Variants in ESRRG observed in about 807,000 individuals in gnomAD.
The protein encoded by ESRRG is estrogen related receptor gamma, also known as estrogen-related receptor gamma.
In ESRRG, 13 loss-of-function variants were observed where a neutral mutation model predicts 44.0. The ratio of observed to expected loss-of-function variants is 0.30; its 90% confidence interval spans 0.19 to 0.47. ESRRG has a LOEUF of 0.47. Ranked by LOEUF, ESRRG falls within the 20% of genes least tolerant of loss-of-function variation. ESRRG has a pLI of 1.00. For missense variants in ESRRG, 395 were observed against 580.6 expected (o/e 0.68, Z 3.29); for synonymous variants, 215 against 214.6 (o/e 1.00, Z -0.02).
At chr1:216,649,423 T>C (rs2068400903) in intron 3 of ESRRG, among the ~76,000 whole-genome samples, 1 of 152,040 alleles carries the variant, frequency 6.6e-6, no homozygotes, top group Non-Finnish European at 1.5e-5. Flanking sequence ...CACTTCTCCA[T>C]GTATACACAT....
chr1:217,000,158 T>C (rs1016266660), intron 1 of ESRRG: 5 of 152,222 alleles, frequency 3.3e-5, no homozygotes, highest in African/African-American at 1.2e-4. Context: ...GCTTGCCTTA[T>C]TATACGTAAG....
At chr1:216,544,905 T>G (rs918089079) in intron 5 of ESRRG, among the ~76,000 whole-genome samples, 3 of 152,048 alleles carry the variant, frequency 2.0e-5, no homozygotes, top group Non-Finnish European at 4.4e-5. Context: ...TATGGGTGTT[T>G]TTCTCTTAAA....
intron 1 of ESRRG, among the ~76,000 whole-genome samples, chr1:216,703,501 G>A (rs17043436): frequency 0.12 from 18,818 of 152,074 alleles, 1,318 homozygotes; most frequent in Middle Eastern, 0.2. Context: ...GACTCTGTGA[G>A]AAGTAGCCTG....
At chr1:216,941,845 C>T (rs1364439094) in intron 1 of ESRRG, among the ~76,000 whole-genome samples, 1 of 152,176 alleles carries the variant, frequency 6.6e-6, no homozygotes, top group Non-Finnish European at 1.5e-5. Context: ...AAATGCACTA[C>T]TATTTATCTC....
intron 2 of ESRRG, among the ~76,000 whole-genome samples, chr1:216,808,124 C>T (rs984106532): frequency 6.6e-6 from 1 of 152,266 alleles, no homozygotes; most frequent in Middle Eastern, 3.4e-3. Context: ...TGAATTGAGA[C>T]TCCTTTCAGG....
At position 216,519,134 on chromosome 1, in the gene ESRRG, C is replaced by T; in HGVS notation, c.1132+18G>A. On this transcript the variant is annotated intron_variant, in intron 6 of 6. Coordinates refer to ENST00000408911, the MANE Select transcript of ESRRG (RefSeq NM_001438.4). ...CATATTAAAAAAAATGTAACAATGA[C>T]TATGTCAGTATGCCAACCTGAATTA... The T allele has an allele frequency of 1.9e-6, 3 of 1,608,272 alleles. No individual in the cohort carries two copies. Among genetic ancestry groups the T allele is most frequent in the Non-Finnish European group, 2.6e-6 (3 of 1,176,384 alleles).
chr1:216,640,522 C>T (rs532510916), intron 3 of ESRRG, among the ~76,000 whole-genome samples: 4 of 147,658 alleles, frequency 2.7e-5, no homozygotes, highest in Non-Finnish European at 4.5e-5. Context: ...AGAGAGAAAG[C>T]GAGAGAGGAC....
At chr1:216,976,236 T>C (rs2072858727) in intron 1 of ESRRG, among the ~76,000 whole-genome samples, 1 of 152,004 alleles carries the variant, frequency 6.6e-6, no homozygotes, top group Non-Finnish European at 1.5e-5. Context: ...GTAACCCATT[T>C]AAAGCCATAT....
chr1:216,762,560 T>TGGGGG (rs1163139928), intron 2 of ESRRG, among the ~76,000 whole-genome samples: 1 of 96,144 alleles, frequency 1.0e-5, no homozygotes, highest in African/African-American at 4.1e-5. Context: ...TGTTGTGGGG[T>TGGGGG]GGGGGGAGTG....
Position 216,503,346 on chromosome 1 carries a change from A to G in ESRRG, c.*3593T>C, listed in dbSNP as rs562693217. ...CTGAACTGATTGGAGTTACAGAATC[A>G]TATCTCCTTTTTGCATTTAACAATA... On this transcript the variant is annotated 3_prime_UTR_variant, in exon 7 of 7. Transcript: ENST00000408911. 9.2e-5 allele frequency: 14 copies of G among 152,482 alleles called. No individual in the cohort carries two copies. The highest frequency in any genetic ancestry group is 1.8e-4 in the Non-Finnish European group (12 of 68,000). 9.4% of individuals were successfully genotyped at this position (152,482 alleles called of 1,614,324 possible).
intron 2 of ESRRG, among the ~76,000 whole-genome samples, chr1:216,763,951 C>A (rs895838374): frequency 6.6e-6 from 1 of 152,012 alleles, no homozygotes; most frequent in African/African-American, 2.4e-5. Context: ...GAAGAGAAGA[C>A]TAATCTGGGG....
chr1:216,540,864 A>G (rs150399326), intron 5 of ESRRG, among the ~76,000 whole-genome samples: 1 of 152,168 alleles, frequency 6.6e-6, no homozygotes, highest in East Asian at 1.9e-4. Flanking sequence ...TTAAAATTTT[A>G]CAGTAGAATT....
At chr1:216,698,859 T>C (rs11117663) in intron 1 of ESRRG, among the ~76,000 whole-genome samples, 29,029 of 152,036 alleles carry the variant, frequency 0.19, 3,617 homozygotes, top group Middle Eastern at 0.28. Context: ...GGAAAAACAA[T>C]CTCTTGAAAA....
At chr1:216,690,129 C>T (rs924716640) in intron 1 of ESRRG, among the ~76,000 whole-genome samples, 1 of 152,022 alleles carries the variant, frequency 6.6e-6, no homozygotes, top group Non-Finnish European at 1.5e-5. Flanking sequence ...AACATATCCC[C>T]ACAAAAAGAA....
chr1:216,772,173 A>G (rs1243542537), intron 2 of ESRRG, among the ~76,000 whole-genome samples: 1 of 152,138 alleles, frequency 6.6e-6, no homozygotes, highest in Non-Finnish European at 1.5e-5. Context: ...ATTCACATTC[A>G]GATCTAACAA....
Position 217,051,214 on chromosome 1 carries a change from G to T in ESRRG, c.-106+38293C>A, listed in dbSNP as rs11805936. On this transcript the variant is annotated intron_variant, in intron 1 of 7. Transcript: ENST00000359162. The stretch of plus-strand genomic sequence containing the variant: ...AGTGGATAATGGGGGCGGGGGGGGG[G>T]GGTGCCAGGGGAATTGTAAGACTGG... Among the ~76,000 whole-genome samples the T allele has an allele frequency of 2.7e-4, 31 of 116,068 alleles. 1 individual carries two copies. The highest frequency in any genetic ancestry group is 5.7e-4 in the African/African-American group (17 of 30,058). 76.1% of individuals were successfully genotyped at this position (116,068 alleles called of 152,430 possible).
intron 1 of ESRRG, among the ~76,000 whole-genome samples, chr1:217,032,546 C>G (rs184222978): frequency 9.9e-5 from 15 of 152,108 alleles, no homozygotes; most frequent in Non-Finnish European, 1.5e-5. Context: ...CTGGAGATAA[C>G]GTAGAACTCA....
intron 3 of ESRRG, among the ~76,000 whole-genome samples, chr1:216,589,903 CAAAAAA>C (rs58458686): frequency 6.8e-4 from 22 of 32,240 alleles, no homozygotes; most frequent in East Asian, 6.0e-3. Context: ...AACTCTGTCT[CAAAAAA>C]AAAAAAAAAA....
intron 3 of ESRRG, among the ~76,000 whole-genome samples, chr1:216,649,249 G>T (rs1301481024): frequency 6.6e-6 from 1 of 152,090 alleles, no homozygotes; most frequent in East Asian, 1.9e-4. Context: ...TGGAACATGG[G>T]AAGACCTTAG....
Sources: allele counts gnomAD v4.1 joint callset (sites outside exome capture counted in the v4.1 genomes callset), GRCh38; gene constraint gnomAD v4.1.1; transcripts MANE v1.5; gene names NCBI Gene and HGNC (gene_info 2026-07-23, HGNC 2026-07-21).